The following SLCO1B1 variants were observed in gnomAD, a reference collection of about 807,000 sequenced individuals.
The protein encoded by SLCO1B1 is OATP-2.
A neutral mutation model predicts 70.1 loss-of-function variants in SLCO1B1; 81 were observed. The observed-to-expected ratio is 1.16, with a 90% confidence interval of 0.97 to 1.39. The LOEUF (loss-of-function observed/expected upper bound fraction) is 1.39. Among genes scored for constraint, SLCO1B1 ranks in the 40% most tolerant of loss-of-function variants. The pLI is 0.00. For synonymous variants in SLCO1B1, 283 were observed against 271.5 expected, an observed-to-expected ratio of 1.04 and a Z score of -0.42; for missense variants, 895 against 799.6, an observed-to-expected ratio of 1.12 and a Z score of -1.44.
At chr12:21,175,930 T>C (rs1356022926) in intron 4 of SLCO1B1, among the ~76,000 whole-genome samples, 2 of 152,128 alleles carry the variant, frequency 1.3e-5, no homozygotes, top group East Asian at 1.9e-4. Context: ...TGCCATAATA[T>C]GTGACACTTT....
At chr12:21,150,837 A>T (rs980432269) in intron 2 of SLCO1B1, among the ~76,000 whole-genome samples, 2 of 152,182 alleles carry the variant, frequency 1.3e-5, no homozygotes, top group Non-Finnish European at 2.9e-5. Context: ...TTATATATTT[A>T]AAGTGGGTTT....
In SLCO1B1 at chr12:21,169,589, T is replaced by C. The variant is rs370611995; in HGVS notation, c.85-3061T>C. Among the ~76,000 whole-genome samples the C allele has an allele frequency of 4.6e-5, 7 of 152,184 alleles. No individual in the cohort carries two copies. In the East Asian group the frequency reaches 9.6e-4, roughly 21 times the overall value. ...TGGTTCTTCATAGTTTATAATCTGT[T>C]AATATTGCTATTTTGTTTATTTGTT... On this transcript the variant is annotated intron_variant, in intron 2 of 14. Transcript: ENST00000256958.
At chr12:21,176,013 T>C (rs1178848955) in intron 4 of SLCO1B1, among the ~76,000 whole-genome samples, 4 of 152,072 alleles carry the variant, frequency 2.6e-5, no homozygotes, top group African/African-American at 9.7e-5. Context: ...TCCAGATTCG[T>C]TTTACCTGTC....
rs73063116 is a variant in SLCO1B1, at chr12:21,207,230, C to T, written c.1497+1197C>T. On this transcript the variant is annotated intron_variant, in intron 11 of 14. Coordinates refer to ENST00000256958, the MANE Select transcript of SLCO1B1 (RefSeq NM_006446.5). ...AGCTAAAGTTTAGGGTACAATCATT[C>T]CCATCCCCCAGGTAGTGAGCATAAT... is the stretch of plus-strand genomic sequence containing the variant. Among the ~76,000 whole-genome samples the T allele has an allele frequency of 7.3e-3, 1,117 of 151,984 alleles. 8 individuals carry two copies. The highest frequency in any genetic ancestry group is 0.011 in the Non-Finnish European group (718 of 67,896).
At chr12:21,175,345 A>T (rs970852993) in intron 4 of SLCO1B1, among the ~76,000 whole-genome samples, 2 of 152,206 alleles carry the variant, frequency 1.3e-5, no homozygotes, top group African/African-American at 2.4e-5. Flanking sequence ...ACACAGGCTG[A>T]GGCTTAAGAA....
At chr12:21,146,459 T>C (rs532565742) in intron 2 of SLCO1B1, among the ~76,000 whole-genome samples, 80 of 152,250 alleles carry the variant, frequency 5.3e-4, no homozygotes, top group African/African-American at 1.8e-3. Context: ...GTCCAATTTT[T>C]ATTCTATTTT....
intron 3 of SLCO1B1, among the ~76,000 whole-genome samples, chr12:21,173,919 G>A (rs188509141): frequency 1.9e-4 from 29 of 151,726 alleles, no homozygotes; most frequent in African/African-American, 6.1e-4. Context: ...CACTATGCCC[G>A]GCTAATTTTT....
At chr12:21,152,368 G>A (rs1457564422) in intron 2 of SLCO1B1, among the ~76,000 whole-genome samples, 3 of 151,440 alleles carry the variant, frequency 2.0e-5, no homozygotes, top group African/African-American at 2.4e-5. Flanking sequence ...CTGTATCTGA[G>A]TTTGGTTCTG....
intron 2 of SLCO1B1, among the ~76,000 whole-genome samples, chr12:21,152,191 C>G (rs939299003): frequency 1.3e-5 from 2 of 151,878 alleles, no homozygotes; most frequent in African/African-American, 4.8e-5. Context: ...CAAAGGCATT[C>G]TTCATTTCTG....
intron 5 of SLCO1B1, 123 bp downstream of exon 5, chr12:21,177,020 T>G (rs1035484787): frequency 1.4e-6 from 1 of 735,112 alleles, no homozygotes; most frequent in Admixed American, 2.1e-5. Context: ...AACATTTGAC[T>G]CTTACAGACA....
chr12:21,183,931 T>G (rs915576001), intron 7 of SLCO1B1, among the ~76,000 whole-genome samples: 2 of 151,820 alleles, frequency 1.3e-5, no homozygotes, highest in Non-Finnish European at 2.9e-5. Flanking sequence ...AAAAAAATAC[T>G]ACATGGATTT....
intron 12 of SLCO1B1, among the ~76,000 whole-genome samples, chr12:21,221,517 A>G (rs1941423704): frequency 1.3e-5 from 2 of 152,184 alleles, no homozygotes; most frequent in Admixed American, 1.3e-4. Context: ...CAAACAATAC[A>G]TCTGACAAAG....
intron 9 of SLCO1B1, 134 bp from the exon 10 acceptor site, chr12:21,202,356 TC>T (rs1433076068): frequency 1.6e-6 from 1 of 639,008 alleles, no homozygotes; most frequent in Non-Finnish European, 2.7e-6. Flanking sequence ...TGCACATGTA[TC>T]CCAGAACTTA....
intron 2 of SLCO1B1, among the ~76,000 whole-genome samples, chr12:21,158,111 T>C (rs1940565446): frequency 6.6e-6 from 1 of 152,196 alleles, no homozygotes; most frequent in Non-Finnish European, 1.5e-5. Flanking sequence ...TAAGATAATA[T>C]GTGAAAATAA....
intron 14 of SLCO1B1, among the ~76,000 whole-genome samples, chr12:21,229,140 C>T (rs1447436866): frequency 1.3e-5 from 2 of 152,014 alleles, no homozygotes; most frequent in African/African-American, 4.8e-5. Context: ...AGAGATTTCC[C>T]ACATACCACC....
intron 2 of SLCO1B1, among the ~76,000 whole-genome samples, chr12:21,149,946 C>T (rs1342654648): frequency 6.6e-6 from 1 of 152,174 alleles, no homozygotes; most frequent in Non-Finnish European, 1.5e-5. Context: ...AGCTGAGATC[C>T]ACTGGCTTGA....
intron 1 of SLCO1B1, among the ~76,000 whole-genome samples, chr12:21,137,949 C>A (rs993466908): frequency 1.3e-5 from 2 of 152,182 alleles, no homozygotes; most frequent in Non-Finnish European, 2.9e-5. Context: ...AGCTGTAGAC[C>A]AGAGCTGTTC....
chr12:21,149,914 C>G lies in SLCO1B1; in HGVS notation c.84+8256C>G, dbSNP rs528063211. Among the ~76,000 whole-genome samples the G allele has an allele frequency of 3.9e-5, 6 of 152,268 alleles. No individual in the cohort carries two copies. The East Asian group carries it at 1.2e-3, about 29-fold the overall frequency. On this transcript the variant is annotated intron_variant, in intron 2 of 14. Coordinates refer to ENST00000256958, the MANE Select transcript of SLCO1B1 (RefSeq NM_006446.5). ...AACCAAGTGGTCTAGCTCAGTGGATCCCACCCCCATAGAGCCCAGCAAGCT... is the reference window on the plus strand; with the variant it reads ...AACCAAGTGGTCTAGCTCAGTGGATGCCACCCCCATAGAGCCCAGCAAGCT...
At position 21,239,301 on chromosome 12, in the gene SLCO1B1, T is replaced by G. The variant is rs1478894296; in HGVS notation, c.*112T>G. 3 of 804,018 alleles carry G rather than the reference T, an allele frequency of 3.7e-6. No homozygotes were observed. The highest frequency in any genetic ancestry group is 6.6e-6 in the Non-Finnish European group (3 of 454,976). 49.8% of individuals were successfully genotyped at this position (804,018 alleles called of 1,614,324 possible). A position where few individuals can be genotyped will look rare whatever the true frequency, so the allele number is the denominator to read the frequency against. On this transcript the variant is annotated 3_prime_UTR_variant, in exon 15 of 15. Coordinates refer to ENST00000256958, the MANE Select transcript of SLCO1B1 (RefSeq NM_006446.5). ...TCCTTTCACTAAGAATTTCCACATC[T>G]TTTATGGTGGAAGTATAAATAAGCC...
Sources: gnomAD v4.1 joint callset for allele counts (sites outside exome capture counted in the v4.1 genomes callset) on GRCh38, gnomAD v4.1.1 for gene constraint, MANE v1.5 for transcripts, NCBI Gene and HGNC (gene_info 2026-07-23, HGNC 2026-07-21) for gene names.